Variants in EFCAB6 observed in about 807,000 individuals in gnomAD.
EFCAB6 encodes EF-hand calcium binding domain 6.
EFCAB6 carries 156 observed loss-of-function variants against 169.8 expected under a neutral mutation model. The ratio of observed to expected loss-of-function variants is 0.92; its 90% CI spans 0.81 to 1.05. EFCAB6 has a LOEUF of 1.05. EFCAB6 is among the 50% of genes least tolerant of loss of function. EFCAB6 has a pLI of 0.00. For missense variants in EFCAB6, 1,800 were observed against 1,829.1 expected, an observed-to-expected ratio of 0.98 and a Z score of 0.29; for synonymous variants, 698 against 676.4, an observed-to-expected ratio of 1.03 and a Z score of -0.50.
At chr22:43,607,927 C>T (rs2053034656) in intron 22 of EFCAB6, among the ~76,000 whole-genome samples, 1 of 152,114 alleles carries the variant, frequency 6.6e-6, no homozygotes, top group African/African-American at 2.4e-5. Context: ...ACAGCTAAAT[C>T]GAAAATACAT....
chr22:43,809,847 C>T (rs1489488766), intron 1 of EFCAB6, among the ~76,000 whole-genome samples: 1 of 151,782 alleles, frequency 6.6e-6, no homozygotes, highest in Non-Finnish European at 1.5e-5. Context: ...CTCAGGTGAT[C>T]CAACCGCCTC....
intron 17 of EFCAB6, among the ~76,000 whole-genome samples, chr22:43,657,708 C>T (rs559553974): frequency 2.0e-5 from 3 of 152,060 alleles, no homozygotes; most frequent in African/African-American, 7.2e-5. Flanking sequence ...GAACAGCAAA[C>T]TAAATTCAAA....
intron 17 of EFCAB6, among the ~76,000 whole-genome samples, chr22:43,658,294 A>T (rs188490652): frequency 4.6e-5 from 7 of 152,322 alleles, no homozygotes; most frequent in African/African-American, 1.4e-4. Context: ...TGAGGACTAA[A>T]GGGAGTAAAA....
At chr22:43,538,202 C>A (rs1038086180) in intron 28 of EFCAB6, among the ~76,000 whole-genome samples, 1 of 152,052 alleles carries the variant, frequency 6.6e-6, no homozygotes, top group Non-Finnish European at 1.5e-5. Context: ...CAGCCTGAAC[C>A]CTTAGAAGTC....
chr22:43,803,041 C>G (rs947391555), intron 2 of EFCAB6, among the ~76,000 whole-genome samples: 1 of 152,132 alleles, frequency 6.6e-6, no homozygotes, highest in African/African-American at 2.4e-5. Context: ...ACACACATAG[C>G]CACTTTAGCA....
intron 7 of EFCAB6, among the ~76,000 whole-genome samples, chr22:43,733,131 G>A (rs181448100): frequency 3.2e-4 from 48 of 152,068 alleles, no homozygotes; most frequent in Admixed American, 9.2e-4. Context: ...AGGTGTGATC[G>A]CTGCCAGATG....
intron 8 of EFCAB6, among the ~76,000 whole-genome samples, chr22:43,722,543 A>G (rs551056308): frequency 6.6e-6 from 1 of 151,324 alleles, no homozygotes; most frequent in Admixed American, 6.6e-5. Flanking sequence ...AAAAAAAAAA[A>G]GTCAAAAAAC....
rs1443801551 is a variant in EFCAB6 at position 43,562,823 on chromosome 22, G to A, written c.3421-7727C>T. Reference sequence around the variant, plus strand: ...GGGTGGGAGGGAGGCAGCCCGGTGGGGGATGGGAGGGAGGCAGCCCGGTGG... The same window carrying A: ...GGGTGGGAGGGAGGCAGCCCGGTGGAGGATGGGAGGGAGGCAGCCCGGTGG... On this transcript the variant is annotated intron_variant, in intron 26 of 31. Coordinates refer to ENST00000262726, the MANE Select transcript of EFCAB6 (RefSeq NM_022785.4). Among the ~76,000 whole-genome samples, 3 of 144,214 alleles carry A rather than the reference G, an allele frequency of 2.1e-5. No homozygotes were observed. The East Asian group carries it at 5.9e-4, about 28-fold the overall frequency. The allele number at this position is 144,214 out of a possible 152,430, so 94.6% of individuals were successfully genotyped here.
chr22:43,619,573 G>A (rs1251643153), intron 20 of EFCAB6, among the ~76,000 whole-genome samples: 2 of 151,946 alleles, frequency 1.3e-5, no homozygotes, highest in African/African-American at 2.4e-5. Context: ...GAAAGAAGAA[G>A]GAAAAAGGAA....
chr22:43,625,364 C>A (rs2054427623), intron 20 of EFCAB6, among the ~76,000 whole-genome samples: 1 of 152,206 alleles, frequency 6.6e-6, no homozygotes, highest in Non-Finnish European at 1.5e-5. Flanking sequence ...CACCTCAGTA[C>A]TAGCATAGCG....
At chr22:43,756,543 C>A (rs1449182571) in intron 5 of EFCAB6, among the ~76,000 whole-genome samples, 1 of 152,106 alleles carries the variant, frequency 6.6e-6, no homozygotes, top group Non-Finnish European at 1.5e-5. Flanking sequence ...GAGGAGAACA[C>A]GAGGAGGCAG....
chr22:43,773,770 C>A (rs1333269653), intron 3 of EFCAB6, among the ~76,000 whole-genome samples: 1 of 152,206 alleles, frequency 6.6e-6, no homozygotes, highest in African/African-American at 2.4e-5. Flanking sequence ...TAGCTTGAAC[C>A]TGGGAGGCTG....
At chr22:43,686,049 C>T (rs758091188) in intron 11 of EFCAB6, among the ~76,000 whole-genome samples, 2 of 149,860 alleles carry the variant, frequency 1.3e-5, no homozygotes, top group Non-Finnish European at 3.0e-5. Context: ...GGTGAGATCT[C>T]GGCTCACTGC....
intron 20 of EFCAB6, among the ~76,000 whole-genome samples, chr22:43,618,224 G>A (rs527413254): frequency 2.3e-3 from 325 of 140,350 alleles, no homozygotes; most frequent in South Asian, 5.1e-3. Context: ...GAAAGAAAGA[G>A]AAAGAAAGAA....
intron 3 of EFCAB6, among the ~76,000 whole-genome samples, chr22:43,780,566 G>A (rs950749076): frequency 6.7e-6 from 1 of 150,224 alleles, no homozygotes; most frequent in African/African-American, 2.5e-5. Context: ...TTCTTTGTAC[G>A]ATCAGAAAGT....
intron 17 of EFCAB6, among the ~76,000 whole-genome samples, chr22:43,666,708 T>C (rs1016599237): frequency 6.8e-6 from 1 of 147,768 alleles, no homozygotes; most frequent in Non-Finnish European, 1.5e-5. Flanking sequence ...TTTTTTTTTT[T>C]TTTTTTTCAT....
intron 6 of EFCAB6, among the ~76,000 whole-genome samples, chr22:43,747,215 T>C (rs185629374): frequency 6.6e-6 from 1 of 152,342 alleles, no homozygotes; most frequent in African/African-American, 2.4e-5. Context: ...TCCCCCAGCA[T>C]TTCCCAAAAT....
At chr22:43,754,356 A>T (rs1332292625) in intron 6 of EFCAB6, among the ~76,000 whole-genome samples, 2 of 152,176 alleles carry the variant, frequency 1.3e-5, no homozygotes, top group Admixed American at 6.5e-5. Flanking sequence ...ATGGAAACCC[A>T]GGTCTGCCCG....
intron 8 of EFCAB6, among the ~76,000 whole-genome samples, chr22:43,718,094 A>G (rs2059398666): frequency 1.3e-5 from 2 of 152,120 alleles, no homozygotes; most frequent in Admixed American, 1.3e-4. Context: ...CCATGTAAGT[A>G]CCAGAAACAA....
Sources: gnomAD v4.1 joint callset for allele counts (sites outside exome capture counted in the v4.1 genomes callset) on GRCh38, gnomAD v4.1.1 for gene constraint, MANE v1.5 for transcripts, NCBI Gene and HGNC (gene_info 2026-07-23, HGNC 2026-07-21) for gene names.